The following IPO11 variants were observed in gnomAD, a reference collection of about 807,000 sequenced individuals.
IPO11 encodes importin-11.
IPO11 carries 66 observed loss-of-function variants against 143.2 expected under a neutral mutation model. The observed-to-expected ratio is 0.46, with a 90% confidence interval of 0.38 to 0.57. IPO11 has a LOEUF of 0.57. Ranked by LOEUF, IPO11 falls within the 20% of genes least tolerant of loss-of-function variation. IPO11 has a pLI of 0.00. For missense variants in IPO11, 1,026 were observed against 1,141.0 expected, an observed-to-expected ratio of 0.90 and a Z score of 1.45; for synonymous variants, 385 against 377.8, an observed-to-expected ratio of 1.02 and a Z score of -0.22.
chr5:62,616,697 G>T (rs904540886), intron 29 of IPO11, among the ~76,000 whole-genome samples: 2 of 134,890 alleles, frequency 1.5e-5, no homozygotes, highest in Admixed American at 1.6e-4. Context: ...TCCAGCCTGG[G>T]GCACAGGGTG....
chr5:62,456,972 C>G (rs1386860671), intron 5 of IPO11, among the ~76,000 whole-genome samples: 1 of 151,914 alleles, frequency 6.6e-6, no homozygotes, highest in Non-Finnish European at 1.5e-5. Context: ...CCCACCTACT[C>G]GGGAGCCTGA....
At chr5:62,439,529 C>T (rs969873389) in intron 2 of IPO11, among the ~76,000 whole-genome samples, 6 of 151,502 alleles carry the variant, frequency 4.0e-5, no homozygotes, top group South Asian at 2.1e-4. Context: ...CCTTGTGATC[C>T]GCCCGCCTTG....
At chr5:62,414,026 T>TA (rs1232328010) in intron 1 of IPO11, among the ~76,000 whole-genome samples, 1 of 152,202 alleles carries the variant, frequency 6.6e-6, no homozygotes, top group African/African-American at 2.4e-5. Flanking sequence ...TTAATTATAG[T>TA]AGTGGCTTGT....
At chr5:62,510,880 A>G (rs255390) in intron 19 of IPO11, among the ~76,000 whole-genome samples, 101,269 of 151,770 alleles carry the variant, frequency 0.67, 33,961 homozygotes, top group South Asian at 0.72. Context: ...TTACGGGTGC[A>G]CGCCACCATG....
intron 1 of IPO11, among the ~76,000 whole-genome samples, chr5:62,431,716 C>T (rs975498238): frequency 4.0e-5 from 6 of 151,880 alleles, no homozygotes; most frequent in Non-Finnish European, 7.4e-5. Context: ...CTGAGGTAGG[C>T]GAATTACTTG....
At chr5:62,523,016 G>A (rs546518780) in intron 20 of IPO11, among the ~76,000 whole-genome samples, 160 of 152,242 alleles carry the variant, frequency 1.1e-3, no homozygotes, top group African/African-American at 3.6e-3. Context: ...AAAATACCTG[G>A]TGCCATTAGT....
In IPO11 at chr5:62,526,100, A is replaced by T. The variant is rs774165125; in HGVS notation, c.1897-42A>T. The T allele has an allele frequency of 4.7e-5, 62 of 1,317,416 alleles. No homozygotes were observed. In the South Asian group the frequency reaches 7.4e-4, roughly 16 times the overall value. The allele number at this position is 1,317,416 out of a possible 1,614,324, so 81.6% of individuals were successfully genotyped here. On this transcript the variant is annotated intron_variant, in intron 20 of 29. Transcript: ENST00000325324. ...GTAATTTTTTGGTGCGGGATGGGACATTAGAGTGTCTTATTATAAGTTTTA... is the reference window on the plus strand; with the variant it reads ...GTAATTTTTTGGTGCGGGATGGGACTTTAGAGTGTCTTATTATAAGTTTTA...
chr5:62,532,084 T>G (rs1742565525), intron 22 of IPO11, among the ~76,000 whole-genome samples: 1 of 152,188 alleles, frequency 6.6e-6, no homozygotes, highest in Non-Finnish European at 1.5e-5. Context: ...TTTACCAACT[T>G]TGTCGTGAAC....
chr5:62,620,519 A>T (rs965910835), intron 29 of IPO11, among the ~76,000 whole-genome samples: 1 of 33,962 alleles, frequency 2.9e-5, no homozygotes, highest in Non-Finnish European at 5.8e-5. Flanking sequence ...ACTCTGTCTA[A>T]AAAAAAAAAA....
At chr5:62,455,826 G>T (rs1745127662) in intron 5 of IPO11, among the ~76,000 whole-genome samples, 1 of 151,772 alleles carries the variant, frequency 6.6e-6, no homozygotes, top group Non-Finnish European at 1.5e-5. Flanking sequence ...CTAGCTTCAA[G>T]CAATTCTTGT....
chr5:62,458,669 G>A (rs1292651886), intron 5 of IPO11, among the ~76,000 whole-genome samples: 3 of 152,220 alleles, frequency 2.0e-5, no homozygotes, highest in African/African-American at 7.2e-5. Context: ...CTGTGAACCT[G>A]TGGGGATTTG....
chr5:62,510,403 T>C (rs1160094908), intron 19 of IPO11, among the ~76,000 whole-genome samples: 5 of 152,236 alleles, frequency 3.3e-5, no homozygotes, highest in African/African-American at 1.2e-4. Context: ...TTTCTTTTTA[T>C]CTATCCACAT....
chr5:62,603,918 G>A (rs758093538), intron 29 of IPO11, among the ~76,000 whole-genome samples: 1 of 152,184 alleles, frequency 6.6e-6, no homozygotes, highest in Non-Finnish European at 1.5e-5. Flanking sequence ...TACCTTTTAT[G>A]TGTTTTGATG....
intron 20 of IPO11, among the ~76,000 whole-genome samples, chr5:62,518,443 C>CA (rs34612879): frequency 0.11 from 14,326 of 132,526 alleles, 716 homozygotes; most frequent in East Asian, 0.15. Context: ...GACTCTGTCT[C>CA]AAAAAAAAAA....
At chr5:62,414,272 A>AT (rs888373747) in intron 1 of IPO11, among the ~76,000 whole-genome samples, 11 of 152,380 alleles carry the variant, frequency 7.2e-5, no homozygotes, top group African/African-American at 2.6e-4. Context: ...GCATGTGGCT[A>AT]TTAAAATACA....
At chr5:62,468,405 G>A (rs1328511666) in intron 6 of IPO11, among the ~76,000 whole-genome samples, 2 of 152,148 alleles carry the variant, frequency 1.3e-5, no homozygotes, top group African/African-American at 4.8e-5. Context: ...ATCCCAAACT[G>A]TCAGCACATT....
intron 25 of IPO11, 63 bp downstream of exon 25, chr5:62,550,525 C>G: frequency 9.7e-7 from 1 of 1,034,836 alleles, no homozygotes; most frequent in Non-Finnish European, 1.4e-6. Context: ...TTTAATTACT[C>G]TGTTAGATAC....
At chr5:62,472,402 G>T (rs1389284787) in intron 7 of IPO11, among the ~76,000 whole-genome samples, 1 of 151,810 alleles carries the variant, frequency 6.6e-6, no homozygotes, top group African/African-American at 2.4e-5. Flanking sequence ...AGAGTTTTCT[G>T]GTTGCATAAA....
intron 29 of IPO11, among the ~76,000 whole-genome samples, chr5:62,609,672 A>G (rs1285547320): frequency 1.3e-5 from 2 of 152,186 alleles, no homozygotes; most frequent in Non-Finnish European, 2.9e-5. Context: ...CAGTCTGGAG[A>G]AGAGCTGGGC....
Sources: allele counts gnomAD v4.1 joint callset (sites outside exome capture counted in the v4.1 genomes callset), GRCh38; gene constraint gnomAD v4.1.1; transcripts MANE v1.5; gene names NCBI Gene and HGNC (gene_info 2026-07-23, HGNC 2026-07-21).